The following CDH23 variants were observed in gnomAD, a reference collection of about 807,000 sequenced individuals.
The protein encoded by CDH23 is cadherin related 23, also known as cadherin-23.
A neutral mutation model predicts 317.1 loss-of-function variants in CDH23; 189 were observed. The observed-to-expected ratio is 0.60, with a 90% CI of 0.53 to 0.67. The LOEUF (loss-of-function observed/expected upper bound fraction) is 0.67, where lower values mean the gene tolerates loss of function less well. Ranked by LOEUF, CDH23 falls within the 30% of genes least tolerant of loss-of-function variation. The pLI, the probability that CDH23 is intolerant of heterozygous loss-of-function variation, is 0.00. For missense variants in CDH23, 4,401 were observed against 4,592.4 expected, an observed-to-expected ratio of 0.96 and a Z score of 1.20; for synonymous variants, 1,839 against 1,876.8, an observed-to-expected ratio of 0.98 and a Z score of 0.52.
intron 38 of CDH23, among the ~76,000 whole-genome samples, chr10:71,762,672 T>C (rs1289672315): frequency 6.6e-6 from 1 of 152,230 alleles, no homozygotes; most frequent in Non-Finnish European, 1.5e-5. Context: ...AGTCAGGGAC[T>C]TCCTGAAGGA....
chr10:71,815,382 G>A lies in CDH23; in HGVS notation c.*104G>A, dbSNP rs377312107. On this transcript the variant is annotated 3_prime_UTR_variant, in exon 70 of 70. Coordinates refer to ENST00000224721, the MANE Select transcript of CDH23 (RefSeq NM_022124.6). ...GGTCGGGGGGGACCCTCCAAGGCCA[G>A]GCCTTGGGGACAACCTTGGCTTGGC... is the stretch of plus-strand genomic sequence containing the variant. The A allele has an allele frequency of 3.5e-6, 4 of 1,142,920 alleles. No individual in the cohort carries two copies. The highest frequency in any genetic ancestry group is 4.8e-6 in the Non-Finnish European group (4 of 830,756). 70.8% of individuals were successfully genotyped at this position (1,142,920 alleles called of 1,614,324 possible). A position where few individuals can be genotyped will look rare whatever the true frequency, so the allele number is the denominator to read the frequency against.
intron 14 of CDH23, among the ~76,000 whole-genome samples, chr10:71,653,551 C>A (rs1367883617): frequency 1.3e-5 from 2 of 152,246 alleles, no homozygotes; most frequent in Non-Finnish European, 2.9e-5. Flanking sequence ...AGTCTTGGTG[C>A]TCCCTGGGGC....
chr10:71,433,149 C>T (rs1420799424), intron 1 of CDH23, among the ~76,000 whole-genome samples: 1 of 152,216 alleles, frequency 6.6e-6, no homozygotes, highest in East Asian at 1.9e-4. Context: ...TCACCACTCA[C>T]ACAACACCCT....
At chr10:71,657,757 A>G (rs906268064) in intron 14 of CDH23, among the ~76,000 whole-genome samples, 1 of 138,276 alleles carries the variant, frequency 7.2e-6, no homozygotes, top group Non-Finnish European at 1.5e-5. Context: ...CACCATTGGC[A>G]TCTTAATTGA....
intron 6 of CDH23, among the ~76,000 whole-genome samples, chr10:71,530,431 C>T (rs896472793): frequency 1.3e-5 from 2 of 152,230 alleles, no homozygotes; most frequent in Non-Finnish European, 2.9e-5. Context: ...ACTGCCAAGC[C>T]GTTCTCCACC....
At chr10:71,448,052 G>A (rs1435122503) in intron 3 of CDH23, among the ~76,000 whole-genome samples, 1 of 152,210 alleles carries the variant, frequency 6.6e-6, no homozygotes, top group Non-Finnish European at 1.5e-5. Context: ...CAGTGGTGTG[G>A]CCAGTCACTA....
At chr10:71,791,756 A>G (rs1327096025) in intron 47 of CDH23, among the ~76,000 whole-genome samples, 2 of 151,694 alleles carry the variant, frequency 1.3e-5, no homozygotes, top group East Asian at 3.9e-4. Context: ...TTGTATTTTT[A>G]GTAGAGACGG....
At chr10:71,612,851 G>A (rs891897193) in intron 9 of CDH23, among the ~76,000 whole-genome samples, 2 of 152,192 alleles carry the variant, frequency 1.3e-5, no homozygotes, top group Non-Finnish European at 1.5e-5. Flanking sequence ...CCATTAAAAT[G>A]TATCGCCATT....
intron 29 of CDH23, 95 bp from the exon 30 acceptor site, chr10:71,725,277 G>C: frequency 1.3e-6 from 2 of 1,568,076 alleles, no homozygotes; most frequent in African/African-American, 1.3e-5. Flanking sequence ...ACAAGGAGGG[G>C]ACTGGTGAAC....
At chr10:71,781,321 G>A (rs369338886) in intron 41 of CDH23, among the ~76,000 whole-genome samples, 3 of 152,170 alleles carry the variant, frequency 2.0e-5, no homozygotes, top group Non-Finnish European at 2.9e-5. Flanking sequence ...CTACCCTTTC[G>A]GATCCCAAAG....
rs1318597854 is a variant in CDH23, at chr10:71,807,713, C to T, written c.8506C>T (p.Leu2836=). The part of the protein sequence containing the change: ...DLTLQEVRVV[L]EDINDQPPRF... ...CACACTGCAGGAGGTGCGCGTTGTG[C>T]TAGAGGACATCAACGACCAGCCACC... Residue 2836 remains leucine, a synonymous_variant, in exon 59 of 70, where the codon CTA becomes TTA. Transcript: ENST00000224721. The T allele has an allele frequency of 1.2e-6, 2 of 1,611,716 alleles. No individual in the cohort carries two copies. The highest frequency in any genetic ancestry group is 1.3e-5 in the African/African-American group (1 of 74,852).
At chr10:71,778,002 T>G in intron 39 of CDH23, 101 bp downstream of exon 39, 1 of 1,455,182 alleles carries the variant, frequency 6.9e-7, no homozygotes, top group Non-Finnish European at 9.4e-7. Flanking sequence ...AGATGCAGTC[T>G]AGGGGAAACT....
At chr10:71,436,971 A>C (rs1048721273) in intron 1 of CDH23, among the ~76,000 whole-genome samples, 1 of 152,232 alleles carries the variant, frequency 6.6e-6, no homozygotes, top group Non-Finnish European at 1.5e-5. Flanking sequence ...GCAGGATATG[A>C]TAGGGTAATG....
At chr10:71,716,049 G>T (rs376837205) in intron 28 of CDH23, 167 of 1,508,292 alleles carry the variant, frequency 1.1e-4, no homozygotes, top group Non-Finnish European at 1.1e-4. Flanking sequence ...AGGGAGAGGC[G>T]CAAGGAGCCC....
chr10:71,721,153 T>C (rs369542308), intron 28 of CDH23, among the ~76,000 whole-genome samples: 6 of 152,310 alleles, frequency 3.9e-5, no homozygotes, highest in African/African-American at 1.4e-4. Context: ...AATCTCACCA[T>C]GGATAGGCAT....
intron 1 of CDH23, among the ~76,000 whole-genome samples, chr10:71,424,380 TA>T (rs1345996858): frequency 6.6e-6 from 1 of 152,214 alleles, no homozygotes; most frequent in African/African-American, 2.4e-5. Flanking sequence ...TTAACACGCG[TA>T]AAAACAATCC....
At chr10:71,470,932 G>T (rs537017836) in intron 3 of CDH23, among the ~76,000 whole-genome samples, 13 of 152,296 alleles carry the variant, frequency 8.5e-5, no homozygotes, top group Middle Eastern at 3.4e-3. Flanking sequence ...CTTTGGTGAA[G>T]TGGCTATTCA....
At chr10:71,525,369 T>C (rs1854978201) in intron 6 of CDH23, among the ~76,000 whole-genome samples, 1 of 152,180 alleles carries the variant, frequency 6.6e-6, no homozygotes, top group Non-Finnish European at 1.5e-5. Context: ...CAGTGGGACA[T>C]GTGTTCTAAA....
intron 41 of CDH23, among the ~76,000 whole-genome samples, chr10:71,782,845 C>T (rs751758592): frequency 3.9e-5 from 6 of 152,220 alleles, no homozygotes; most frequent in African/African-American, 1.4e-4. Flanking sequence ...AGGGTGAAGC[C>T]TATGGGACGG....
Sources: gnomAD v4.1 joint callset for allele counts (sites outside exome capture counted in the v4.1 genomes callset) on GRCh38, gnomAD v4.1.1 for gene constraint, MANE v1.5 for transcripts, NCBI Gene and HGNC (gene_info 2026-07-23, HGNC 2026-07-21) for gene names.